TAF13: variants seen among roughly 807,000 people sequenced by gnomAD.
TAF13 encodes transcription initiation factor TFIID subunit 13.
A neutral mutation model predicts 18.7 loss-of-function variants in TAF13; 9 were observed. The observed-to-expected ratio is 0.48, with a 90% CI of 0.29 to 0.84. The LOEUF (loss-of-function observed/expected upper bound fraction) is 0.84. Among genes scored for constraint, TAF13 ranks in the 40% least tolerant of loss-of-function variants. TAF13 has a pLI of 0.08. For synonymous variants in TAF13, 49 were observed against 44.1 expected, an observed-to-expected ratio of 1.11 and a Z score of -0.44; for missense variants, 105 against 146.5, an observed-to-expected ratio of 0.72 and a Z score of 1.46.
chr1:109,072,547 C>T (rs1664094857), intron 2 of TAF13, among the ~76,000 whole-genome samples: 1 of 152,066 alleles, frequency 6.6e-6, no homozygotes, highest in Admixed American at 6.6e-5. Context: ...TGGGCTCAAG[C>T]CATCCTCTCA....
intron 2 of TAF13, among the ~76,000 whole-genome samples, chr1:109,071,935 T>G: frequency 7.0e-6 from 1 of 143,500 alleles, no homozygotes. Context: ...CTGACAACAG[T>G]GAGACTCTGT....
intron 2 of TAF13, among the ~76,000 whole-genome samples, chr1:109,074,779 CA>C (rs35227534): frequency 3.9e-3 from 405 of 104,966 alleles, no homozygotes; most frequent in Middle Eastern, 5.1e-3. Context: ...GACTCCGTCT[CA>C]AAAAAAAAAA....
At position 109,064,178 on chromosome 1, in the gene TAF13, A is replaced by AAAAAAAAAC. The variant is rs1557983407; in HGVS notation, c.*344_*345insGTTTTTTTT. 4 of 153,376 alleles carry AAAAAAAAAC rather than the reference A, an allele frequency of 2.6e-5. No individual in the cohort carries two copies. The highest frequency in any genetic ancestry group is 2.1e-4 in the South Asian group (1 of 4,810). The allele number at this position is 153,376 out of a possible 1,614,324, so 9.5% of individuals were successfully genotyped here. ...TCTCAAAAAAAAAAAAAAAAAAAAA[A>AAAAAAAAAC]AAAGCTACAGTATAGCTTACAAGGG... On this transcript the variant is annotated 3_prime_UTR_variant, in exon 4 of 4. Transcript: ENST00000338366.
At chr1:109,070,246 G>A (rs1201123216) in intron 2 of TAF13, among the ~76,000 whole-genome samples, 3 of 152,146 alleles carry the variant, frequency 2.0e-5, no homozygotes, top group Middle Eastern at 3.4e-3. Context: ...TTGAGACGGA[G>A]TCTCTCTCTG....
At chr1:109,075,192 A>G in intron 1 of TAF13, 127 bp from the exon 2 acceptor site, 2 of 750,906 alleles carry the variant, frequency 2.7e-6, no homozygotes, top group Non-Finnish European at 4.3e-6. Context: ...AAAAAAAAAA[A>G]CCACGAAACC....
At chr1:109,072,684 G>A (rs1270254314) in intron 2 of TAF13, among the ~76,000 whole-genome samples, 2 of 151,782 alleles carry the variant, frequency 1.3e-5, no homozygotes, top group Admixed American at 6.6e-5. Context: ...GGCTCAAGCA[G>A]TCCGCCTGCC....
At chr1:109,073,828 C>A (rs1444727444) in intron 2 of TAF13, among the ~76,000 whole-genome samples, 2 of 152,154 alleles carry the variant, frequency 1.3e-5, no homozygotes, top group African/African-American at 4.8e-5. Flanking sequence ...GGCTGCCCAT[C>A]CCCTGGGATG....
chr1:109,073,605 G>C (rs1664118428), intron 2 of TAF13, among the ~76,000 whole-genome samples: 1 of 152,042 alleles, frequency 6.6e-6, no homozygotes, highest in South Asian at 2.1e-4. Context: ...GACCTCGAGT[G>C]ATCTGCCCGC....
chr1:109,070,334 T>A (rs1442025334), intron 2 of TAF13, among the ~76,000 whole-genome samples: 17 of 152,176 alleles, frequency 1.1e-4, no homozygotes, highest in Admixed American at 1.0e-3. Flanking sequence ...TTCTCCTGCC[T>A]CTGCCTCTCA....
At chr1:109,068,656 C>A (rs2102107344) in intron 2 of TAF13, among the ~76,000 whole-genome samples, 1 of 152,254 alleles carries the variant, frequency 6.6e-6, no homozygotes, top group African/African-American at 2.4e-5. Flanking sequence ...CTGAGATCCA[C>A]AGAGGTTCTT....
chr1:109,069,217 G>A (rs1170148372), intron 2 of TAF13, among the ~76,000 whole-genome samples: 13 of 151,310 alleles, frequency 8.6e-5, no homozygotes, highest in Admixed American at 8.6e-4. Context: ...GTGTGTGTGT[G>A]TGTGCGCACA....
At position 109,066,134 on chromosome 1, in the gene TAF13, C is replaced by T; in HGVS notation, c.204+1G>A. ...TAAGACCAGTTAGGAAAGAATCTTACCATTTCAGTGATAAACTCTATGACA... is the reference window on the plus strand; with the variant it reads ...TAAGACCAGTTAGGAAAGAATCTTATCATTTCAGTGATAAACTCTATGACA... On this transcript the variant is annotated splice_donor_variant, in intron 3 of 3. Coordinates refer to ENST00000338366, the MANE Select transcript of TAF13 (RefSeq NM_005645.4). LOFTEE classifies it high-confidence loss of function. 6.2e-7 allele frequency: 1 copy of T among 1,604,920 alleles called. No individual in the cohort carries two copies. Among genetic ancestry groups the T allele is most frequent in the Non-Finnish European group, 8.5e-7 (1 of 1,176,760 alleles).
At chr1:109,066,001 C>T in intron 3 of TAF13, 134 bp downstream of exon 3, 3 of 659,830 alleles carry the variant, frequency 4.5e-6, no homozygotes, top group South Asian at 3.9e-5. Context: ...AAATAGTAAC[C>T]AATAACTTCT....
intron 2 of TAF13, among the ~76,000 whole-genome samples, chr1:109,073,600 C>G (rs1222169699): frequency 6.6e-6 from 1 of 152,056 alleles, no homozygotes; most frequent in Admixed American, 6.6e-5. Flanking sequence ...CTCCTGACCT[C>G]GAGTGATCTG....
At chr1:109,074,400 C>G (rs1397431151) in intron 2 of TAF13, among the ~76,000 whole-genome samples, 1 of 151,978 alleles carries the variant, frequency 6.6e-6, no homozygotes, top group African/African-American at 2.4e-5. Context: ...GAGTCATCAC[C>G]ACTCCCTAAT....
chr1:109,073,015 G>C (rs552476834), intron 2 of TAF13, among the ~76,000 whole-genome samples: 2 of 151,792 alleles, frequency 1.3e-5, no homozygotes, highest in South Asian at 4.2e-4. Flanking sequence ...TTACAGACGT[G>C]AGCCACTGCA....
chr1:109,070,846 G>T (rs918777582), intron 2 of TAF13, among the ~76,000 whole-genome samples: 1 of 152,290 alleles, frequency 6.6e-6, no homozygotes, highest in African/African-American at 2.4e-5. Flanking sequence ...GCTAACAACC[G>T]ACTGAACATC....
At chr1:109,066,975 T>C (rs1663961568) in intron 2 of TAF13, among the ~76,000 whole-genome samples, 1 of 152,048 alleles carries the variant, frequency 6.6e-6, no homozygotes, top group Admixed American at 6.5e-5. Context: ...TGCCTCAGCC[T>C]CCCAAAGTGC....
intron 2 of TAF13, among the ~76,000 whole-genome samples, chr1:109,068,153 G>C (rs376610083): frequency 6.6e-6 from 1 of 152,106 alleles, no homozygotes; most frequent in East Asian, 1.9e-4. Flanking sequence ...GGTTTTTTTT[G>C]AAACAGAAGT....
Sources: allele counts gnomAD v4.1 joint callset (sites outside exome capture counted in the v4.1 genomes callset), GRCh38; gene constraint gnomAD v4.1.1; transcripts MANE v1.5; gene names NCBI Gene and HGNC (gene_info 2026-07-23, HGNC 2026-07-21).